The following P2RX4 variants were observed in gnomAD, a reference collection of about 807,000 sequenced individuals.
The protein encoded by P2RX4 is P2X purinoceptor 4.
In P2RX4, 37 loss-of-function variants were observed where a neutral mutation model predicts 48.0. That is an observed-to-expected ratio of 0.77 (90% CI 0.59 to 1.01). The LOEUF (loss-of-function observed/expected upper bound fraction) is 1.01. Among genes scored for constraint, P2RX4 ranks in the 50% least tolerant of loss-of-function variants. The pLI is 0.00. For synonymous variants in P2RX4, 200 were observed against 199.7 expected (o/e 1.00, Z -0.01); for missense variants, 501 against 521.4 (o/e 0.96, Z 0.38).
At position 121,229,157 on chromosome 12, in the gene P2RX4, G is replaced by C. The variant is rs1887189833; in HGVS notation, c.884+58G>C. On this transcript the variant is annotated intron_variant, in intron 8 of 11. Coordinates refer to ENST00000337233, the MANE Select transcript of P2RX4 (RefSeq NM_002560.3). The surrounding 1 kb of genome is among the most constrained non-coding windows in gnomAD (Gnocchi z 4.6). ...GTAGGGGGTGCTGGTGGCTGCGTAC[G>C]TGCCAGTGGGCCGCCCACTGAAGAC... 5 of 1,599,428 alleles carry C rather than the reference G, an allele frequency of 3.1e-6. No individual in the cohort carries two copies. In the Admixed American group the frequency reaches 8.3e-5, roughly 27 times the overall value.
chr12:121,212,370 G>T (rs1885917547), intron 1 of P2RX4, among the ~76,000 whole-genome samples: 1 of 151,896 alleles, frequency 6.6e-6, no homozygotes, highest in Non-Finnish European at 1.5e-5. Context: ...TTGAGGCCAG[G>T]AGCTCAAGAC....
At chr12:121,225,075 T>TTTA (rs1886895269) in intron 5 of P2RX4, among the ~76,000 whole-genome samples, 1 of 150,544 alleles carries the variant, frequency 6.6e-6, no homozygotes, top group Admixed American at 6.6e-5. Context: ...AAATTGGATT[T>TTTA]TTTTTTTTTT....
chr12:121,228,409 C>T (rs1022754890), intron 5 of P2RX4, 124 bp from the exon 6 acceptor site: 16 of 332,064 alleles, frequency 4.8e-5, no homozygotes, highest in Admixed American at 9.2e-5. Flanking sequence ...TATATATACA[C>T]ACACACACAC....
chr12:121,210,420 C>G, intron 1 of P2RX4, 122 bp downstream of exon 1: 2 of 1,011,206 alleles, frequency 2.0e-6, no homozygotes, highest in Non-Finnish European at 2.6e-6. Context: ...GGCGGTGACA[C>G]CTTCCCTGGG....
At chr12:121,230,993 TTTCTTC>T (rs1555238306) in intron 8 of P2RX4, among the ~76,000 whole-genome samples, 1 of 147,876 alleles carries the variant, frequency 6.8e-6, no homozygotes, top group African/African-American at 2.5e-5. Flanking sequence ...TTTTTTTTTT[TTTCTTC>T]TTTTTTAAGG....
At chr12:121,231,365 G>C (rs1373716873) in intron 8 of P2RX4, among the ~76,000 whole-genome samples, 10 of 152,164 alleles carry the variant, frequency 6.6e-5, no homozygotes. Context: ...AGAATTCATA[G>C]TTTTCACTAT....
At chr12:121,230,743 G>A (rs1428935516) in intron 8 of P2RX4, among the ~76,000 whole-genome samples, 1 of 152,124 alleles carries the variant, frequency 6.6e-6, no homozygotes, top group Non-Finnish European at 1.5e-5. Context: ...GGCCCATGGC[G>A]TGGAAGTTGT....
At chr12:121,214,433 C>T (rs1246630026) in intron 1 of P2RX4, 2 of 151,764 alleles carry the variant, frequency 1.3e-5, no homozygotes, top group Non-Finnish European at 2.9e-5. Context: ...AAATTGTGGT[C>T]TCCTCCTACA....
chr12:121,210,222 A>G lies in P2RX4; in HGVS notation c.58A>G (p.Ile20Val), dbSNP rs1408529874. 1 of 1,560,398 alleles carries G rather than the reference A, an allele frequency of 6.4e-7. No individual in the cohort carries two copies. The highest frequency in any genetic ancestry group is 1.4e-5 in the African/African-American group (1 of 70,526). ...AFLFEYDTPR[I>V]VLIRSRKVGL... ...CCTGTTCGAGTACGACACGCCGCGC[A>G]TCGTGCTCATCCGCAGCCGCAAAGT... is the stretch of plus-strand genomic sequence containing the variant. Residue 20 changes from isoleucine (I) to valine (V), a missense_variant, in exon 1 of 12, where the codon ATC (isoleucine) becomes GTC (valine). Physicochemically the swap from Ile to Val is conservative, Grantham distance 29. Around this residue, in one of 3 missense-constraint regions of P2RX4, gnomAD observed 295 missense variants for 275.3 expected, o/e 1.07. Coordinates refer to ENST00000337233, the MANE Select transcript of P2RX4 (RefSeq NM_002560.3).
intron 5 of P2RX4, 152 bp from the exon 6 acceptor site, chr12:121,228,381 A>T (rs1338366605): frequency 4.4e-4 from 89 of 202,612 alleles, no homozygotes; most frequent in East Asian, 2.0e-3. Flanking sequence ...AAAAAAAAAA[A>T]AAAAATATAT....
At chr12:121,223,670 A>T (rs771267078) in intron 5 of P2RX4, among the ~76,000 whole-genome samples, 29 of 152,222 alleles carry the variant, frequency 1.9e-4, no homozygotes, top group Admixed American at 9.2e-4. Flanking sequence ...TGCCTTAAGC[A>T]CATGTGCACA....
At position 121,232,559 on chromosome 12, in the gene P2RX4, C is replaced by T. The variant is rs777220424; in HGVS notation, c.978+52C>T. ...CGTCACTCCCTGCAGGGACAAGGGGCCTCTCCCTGCCCCTGCAGAAACACT... is the reference window on the plus strand; with the variant it reads ...CGTCACTCCCTGCAGGGACAAGGGGTCTCTCCCTGCCCCTGCAGAAACACT... On this transcript the variant is annotated intron_variant, in intron 9 of 11. Coordinates refer to ENST00000337233, the MANE Select transcript of P2RX4 (RefSeq NM_002560.3). This position sits in a 1 kb window ranked among gnomAD's most constrained non-coding sequence, Gnocchi z 4.3. The T allele has an allele frequency of 2.5e-6, 4 of 1,598,100 alleles. No individual in the cohort carries two copies. The African/African-American group carries it at 4.0e-5, about 16-fold the overall frequency.
In P2RX4 at chr12:121,232,943, T is replaced by A. The variant is rs1302025845; in HGVS notation, c.1045-54T>A. 1.6e-6 allele frequency: 2 copies of A among 1,216,342 alleles called. No homozygotes were observed. Among genetic ancestry groups the A allele is most frequent in the Non-Finnish European group, 2.4e-6 (2 of 817,936 alleles). The allele number at this position is 1,216,342 out of a possible 1,614,324, so 75.3% of individuals were successfully genotyped here. A position where few individuals can be genotyped will look rare whatever the true frequency, so the allele number is the denominator to read the frequency against. ...AGGAAGGGGCACGCAAAGAATAAGA[T>A]GGGTTGATGGGTTGCAAGCATCCTG... On this transcript the variant is annotated intron_variant, in intron 10 of 11. Transcript: ENST00000337233. This position sits in a 1 kb window ranked among gnomAD's most constrained non-coding sequence, Gnocchi z 4.3.
At chr12:121,222,464 G>C in intron 4 of P2RX4, 2 of 471,674 alleles carry the variant, frequency 4.2e-6, no homozygotes, top group Non-Finnish European at 7.8e-6. Flanking sequence ...CCAAACTGGA[G>C]TGCAATGGCA....
At position 121,232,889 on chromosome 12, in the gene P2RX4, T is replaced by C; in HGVS notation, c.1045-108T>C. The C allele has an allele frequency of 1.1e-6, 1 of 926,620 alleles. No individual in the cohort carries two copies. Among genetic ancestry groups the C allele is most frequent in the Non-Finnish European group, 1.8e-6 (1 of 560,242 alleles). The allele number at this position is 926,620 out of a possible 1,614,324, so 57.4% of individuals were successfully genotyped here. A position where few individuals can be genotyped will look rare whatever the true frequency, so the allele number is the denominator to read the frequency against. ...TTCTCCCAAGAGATGGGAGTGCCTT[T>C]CCATTCCGGTAAAGATTCCAGGCTT... On this transcript the variant is annotated intron_variant, in intron 10 of 11. Transcript: ENST00000337233. This position sits in a 1 kb window ranked among gnomAD's most constrained non-coding sequence, Gnocchi z 4.3.
intron 4 of P2RX4, 72 bp from the exon 5 acceptor site, chr12:121,222,875 C>T (rs1566004942): frequency 7.0e-7 from 1 of 1,419,690 alleles, no homozygotes; most frequent in African/African-American, 1.4e-5. Context: ...GCTCTCACTC[C>T]CTACTCCAAA....
intron 1 of P2RX4, chr12:121,214,017 G>A (rs6489799): frequency 0.35 from 53,373 of 151,804 alleles, 9,641 homozygotes; most frequent in South Asian, 0.4. Context: ...CCTGGGCAAC[G>A]TAGTGAAACC....
intron 1 of P2RX4, chr12:121,216,054 C>T (rs1416983828): frequency 5.3e-5 from 8 of 152,196 alleles, no homozygotes; most frequent in Admixed American, 2.6e-4. Flanking sequence ...TTGGGCCACA[C>T]ATTAAATATG....
chr12:121,229,005 G>C lies in P2RX4; in HGVS notation c.790G>C (p.Asp264His), dbSNP rs780499262. The change falls in exon 8 of 12, where the codon GAC (aspartate) becomes CAC (histidine). Residue 264 changes from aspartate to histidine, a missense_variant. By Grantham distance (81) the Asp-to-His change is moderately conservative. This residue lies in a region of P2RX4 where 197 missense variants were observed against 219.5 expected (regional missense o/e 0.90). Coordinates refer to ENST00000337233, the MANE Select transcript of P2RX4 (RefSeq NM_002560.3). This position sits in a 1 kb window ranked among gnomAD's most constrained non-coding sequence, Gnocchi z 4.6. The part of the protein sequence containing the change: ...GIQVNWDCNL[D>H]RAASLCLPRY... ...CCAGGTCAACTGGGACTGCAACCTG[G>C]ACAGAGCCGCCTCCCTCTGCTTGCC... 6.2e-7 allele frequency: 1 copy of C among 1,614,054 alleles called. No homozygotes were observed.
Sources: allele counts gnomAD v4.1 joint callset (sites outside exome capture counted in the v4.1 genomes callset), GRCh38; gene constraint gnomAD v4.1.1; regional missense constraint gnomAD v4.1.1; non-coding constraint Gnocchi (gnomAD v3.1); transcripts MANE v1.5; gene names NCBI Gene and HGNC (gene_info 2026-07-23, HGNC 2026-07-21).